AFF1: variants seen among roughly 807,000 people sequenced by gnomAD.
AFF1 encodes ALF transcription elongation factor 1.
AFF1 carries 48 observed loss-of-function variants against 121.7 expected under a neutral mutation model. The observed-to-expected ratio is 0.39, with a 90% CI of 0.31 to 0.50. The LOEUF is 0.50. Among genes scored for constraint, AFF1 ranks in the 20% least tolerant of loss-of-function variants. The pLI, the probability that AFF1 is intolerant of heterozygous loss-of-function variation, is 0.76. For missense variants in AFF1, 1,523 were observed against 1,511.7 expected (o/e 1.01, Z -0.12); for synonymous variants, 613 against 563.0 (o/e 1.09, Z -1.26).
At position 87,132,413 on chromosome 4, in the gene AFF1, CTCTAAG is replaced by C. The variant is rs766866301; in HGVS notation, c.3311+11_3311+16del. On this transcript the variant is annotated splice_donor_region_variant and intron_variant, in intron 19 of 20. Coordinates refer to ENST00000395146, the MANE Select transcript of AFF1 (RefSeq NM_001166693.3). ...ACCTTCTCCATGCATTGCAAGGTAACTCTAAGTCTAATATAAATAATTTCCAGAATT... is the reference window on the plus strand; with the variant it reads ...ACCTTCTCCATGCATTGCAAGGTAACTCTAATATAAATAATTTCCAGAATT... The C allele has an allele frequency of 3.1e-6, 5 of 1,599,038 alleles. No individual in the cohort carries two copies. Among genetic ancestry groups the C allele is most frequent in the African/African-American group, 1.4e-5 (1 of 73,982 alleles).
At position 87,081,152 on chromosome 4, in the gene AFF1, A is replaced by ATTTTTTT. The variant is rs549510832; in HGVS notation, c.1060-2947_1060-2941dup. Among the ~76,000 whole-genome samples the ATTTTTTT allele has an allele frequency of 5.1e-4, 46 of 89,724 alleles. 2 individuals carry two copies. Among genetic ancestry groups the ATTTTTTT allele is most frequent in the African/African-American group, 1.5e-3 (34 of 22,708 alleles). The allele number at this position is 89,724 out of a possible 152,430, so 58.9% of individuals were successfully genotyped here. Reference sequence around the variant, plus strand: ...TTGTAGTTTTTCTCTAATGAAATGAATTTTTTTTTTTTTTTTTTTTTTTTT... The same window carrying ATTTTTTT: ...TTGTAGTTTTTCTCTAATGAAATGAATTTTTTTTTTTTTTTTTTTTTTTTTTTTTTTT... On this transcript the variant is annotated intron_variant, in intron 4 of 20. Coordinates refer to ENST00000395146, the MANE Select transcript of AFF1 (RefSeq NM_001166693.3).
chr4:87,069,801 T>A (rs1721817039), intron 4 of AFF1, among the ~76,000 whole-genome samples: 1 of 150,874 alleles, frequency 6.6e-6, no homozygotes, highest in Non-Finnish European at 1.5e-5. Context: ...AATAAGGTAT[T>A]CCTTATCACT....
At chr4:87,067,425 CAATAAAGTGT>C (rs1346290838) in intron 4 of AFF1, among the ~76,000 whole-genome samples, 1 of 152,158 alleles carries the variant, frequency 6.6e-6, no homozygotes, top group African/African-American at 2.4e-5. Context: ...CCATAAACTG[CAATAAAGTGT>C]AACTTCACGA....
At position 87,018,378 on chromosome 4, in the gene AFF1, G is replaced by T. The variant is rs192630856; in HGVS notation, c.39-27788G>T. 6.6e-5 allele frequency among the ~76,000 whole-genome samples: 10 copies of T among 152,360 alleles called. No homozygotes were observed. The East Asian group carries it at 1.7e-3, about 26-fold the overall frequency. ...AGGATACTGTGAGGGAATAATAGGGGGTGGGGAATTGGTCTTGGTGTGGGG... is the reference window on the plus strand; with the variant it reads ...AGGATACTGTGAGGGAATAATAGGGTGTGGGGAATTGGTCTTGGTGTGGGG... On this transcript the variant is annotated intron_variant, in intron 2 of 20. Transcript: ENST00000395146.
intron 4 of AFF1, among the ~76,000 whole-genome samples, chr4:87,069,341 TAG>T (rs1721728182): frequency 6.7e-6 from 1 of 149,404 alleles, no homozygotes; most frequent in Non-Finnish European, 1.5e-5. Context: ...GCATGGTTGT[TAG>T]TTTAGATTAT....
intron 2 of AFF1, among the ~76,000 whole-genome samples, chr4:86,979,803 G>T (rs1443293836): frequency 6.6e-6 from 1 of 151,782 alleles, no homozygotes; most frequent in Non-Finnish European, 1.5e-5. Flanking sequence ...TAGCTGGTGG[G>T]AACGCAAAAT....
rs764236922 is a variant in AFF1, at chr4:87,049,032, GTTTC to G, written c.1059+1450_1059+1453del. ...TCAGGCAATAAAGAACTCAATGAGA[GTTTC>G]TTTCTTTCTTTATCAAATAGGGTTA... is the stretch of plus-strand genomic sequence containing the variant. On this transcript the variant is annotated intron_variant, in intron 4 of 20. Coordinates refer to ENST00000395146, the MANE Select transcript of AFF1 (RefSeq NM_001166693.3). 2.9e-3 allele frequency among the ~76,000 whole-genome samples: 364 copies of G among 126,168 alleles called. 1 individual carries two copies. Among genetic ancestry groups the G allele is most frequent in the Middle Eastern group, 0.014 (3 of 210 alleles). The allele number at this position is 126,168 out of a possible 152,430, so 82.8% of individuals were successfully genotyped here. A position where few individuals can be genotyped will look rare whatever the true frequency, so the allele number is the denominator to read the frequency against.
chr4:87,132,755 A>G (rs1326409422), intron 19 of AFF1, among the ~76,000 whole-genome samples: 7 of 152,174 alleles, frequency 4.6e-5, no homozygotes, highest in South Asian at 2.1e-4. Context: ...CAGTGCTGCA[A>G]TCTTGGCTTA....
At chr4:87,115,373 C>T in intron 12 of AFF1, 74 bp downstream of exon 12, 1 of 1,402,332 alleles carries the variant, frequency 7.1e-7, no homozygotes, top group East Asian at 2.5e-5. Context: ...CTTTGATCGG[C>T]CTTTGATTTA....
chr4:87,007,651 G>C (rs1432794646), intron 2 of AFF1, among the ~76,000 whole-genome samples: 1 of 152,188 alleles, frequency 6.6e-6, no homozygotes, highest in Non-Finnish European at 1.5e-5. Flanking sequence ...TTAAAGTGAA[G>C]ATTAAAGTTA....
Position 87,006,292 on chromosome 4 carries a change from C to T in AFF1, c.39-39874C>T, listed in dbSNP as rs527405987. Among the ~76,000 whole-genome samples, 63 of 152,320 alleles carry T rather than the reference C, an allele frequency of 4.1e-4. 1 individual carries two copies. In the South Asian group the frequency reaches 9.5e-3, roughly 23 times the overall value. ...ATGCTGAAGCACAACCTCCCTCCAT[C>T]CTTGCTCATCCAAGTATTTTCCTGC... is the stretch of plus-strand genomic sequence containing the variant. On this transcript the variant is annotated intron_variant, in intron 2 of 20. Transcript: ENST00000395146.
intron 2 of AFF1, chr4:87,007,006 C>T (rs1420922437): frequency 2.7e-6 from 3 of 1,105,476 alleles, no homozygotes; most frequent in Non-Finnish European, 2.2e-6. Context: ...CTTTTCCTTT[C>T]TAACTGTGGC....
chr4:87,087,966 T>G (rs902322201), intron 5 of AFF1, among the ~76,000 whole-genome samples: 2 of 152,264 alleles, frequency 1.3e-5, no homozygotes, highest in African/African-American at 4.8e-5. Context: ...ATTGAAATTC[T>G]TTTAAAACTG....
chr4:87,030,350 T>C (rs915892319), intron 2 of AFF1, among the ~76,000 whole-genome samples: 6 of 152,246 alleles, frequency 3.9e-5, no homozygotes, highest in African/African-American at 1.4e-4. Context: ...TGAATCTTTA[T>C]TTACAAAAAT....
chr4:87,007,583 A>G (rs1430244775), intron 2 of AFF1, among the ~76,000 whole-genome samples: 1 of 152,224 alleles, frequency 6.6e-6, no homozygotes, highest in African/African-American at 2.4e-5. Flanking sequence ...AATGTCAGAT[A>G]AAAAGCAGTT....
At position 87,136,228 on chromosome 4, in the gene AFF1, A is replaced by G. The variant is rs926622010; in HGVS notation, c.*527A>G. 1.3e-5 allele frequency: 3 copies of G among 231,838 alleles called. No homozygotes were observed. The highest frequency in any genetic ancestry group is 4.4e-5 in the African/African-American group (2 of 45,226). The allele number at this position is 231,838 out of a possible 1,614,324, so 14.4% of individuals were successfully genotyped here. On this transcript the variant is annotated 3_prime_UTR_variant, in exon 21 of 21. Transcript: ENST00000395146. ...AACTTCTAATGGCCATCTGTAAACC[A>G]TAAGTAATGAAGGACTCCACTGTGC... is the stretch of plus-strand genomic sequence containing the variant.
chr4:87,090,195 T>A, intron 6 of AFF1, 125 bp downstream of exon 6: 1 of 714,096 alleles, frequency 1.4e-6, no homozygotes, highest in Non-Finnish European at 2.3e-6. Flanking sequence ...AAATTATGAT[T>A]AATTTAGCTT....
chr4:87,123,998 C>G (rs1727972154), intron 12 of AFF1, among the ~76,000 whole-genome samples: 1 of 152,192 alleles, frequency 6.6e-6, no homozygotes, highest in Non-Finnish European at 1.5e-5. Flanking sequence ...TACCTGCCAC[C>G]TGCTAGACAG....
chr4:87,020,429 C>A (rs2149556685), intron 2 of AFF1, among the ~76,000 whole-genome samples: 1 of 152,306 alleles, frequency 6.6e-6, no homozygotes, highest in South Asian at 2.1e-4. Context: ...ATAAAAGCCT[C>A]ATATGAGTAC....
Sources: gnomAD v4.1 joint callset for allele counts (sites outside exome capture counted in the v4.1 genomes callset) on GRCh38, gnomAD v4.1.1 for gene constraint, MANE v1.5 for transcripts, NCBI Gene and HGNC (gene_info 2026-07-23, HGNC 2026-07-21) for gene names.